The following FLRT2 variants were observed in gnomAD, a reference collection of about 807,000 sequenced individuals.
The protein encoded by FLRT2 is fibronectin leucine rich transmembrane protein 2, also known as leucine-rich repeat transmembrane protein FLRT2.
Under a neutral mutation model 40.0 loss-of-function variants are expected in FLRT2, and 15 were observed. The observed-to-expected ratio is 0.38, with a 90% confidence interval of 0.25 to 0.58. The LOEUF (loss-of-function observed/expected upper bound fraction) is 0.58. Among genes scored for constraint, FLRT2 ranks in the 20% least tolerant of loss-of-function variants. The pLI is 0.71. For synonymous variants in FLRT2, 380 were observed against 336.8 expected, an observed-to-expected ratio of 1.13 and a Z score of -1.41; for missense variants, 726 against 840.0, an observed-to-expected ratio of 0.86 and a Z score of 1.68.
chr14:85,616,961 T>A (rs565685448), intron 1 of FLRT2, among the ~76,000 whole-genome samples: 1 of 152,326 alleles, frequency 6.6e-6, no homozygotes, highest in Non-Finnish European at 1.5e-5. Flanking sequence ...TTATTAGAAA[T>A]TTATCTTAAT....
At chr14:85,536,455 G>T (rs185480738) in intron 1 of FLRT2, among the ~76,000 whole-genome samples, 205 of 152,194 alleles carry the variant, frequency 1.3e-3, no homozygotes, top group African/African-American at 4.7e-3. Flanking sequence ...ATTCAAAAAA[G>T]GTCAAGGTGA....
intron 1 of FLRT2, among the ~76,000 whole-genome samples, chr14:85,562,446 T>C (rs1200416859): frequency 6.6e-6 from 1 of 152,148 alleles, no homozygotes; most frequent in Non-Finnish European, 1.5e-5. Flanking sequence ...TGCAGGTTAT[T>C]TGACTTTTGG....
At chr14:85,544,341 A>G (rs1260232140) in intron 1 of FLRT2, among the ~76,000 whole-genome samples, 1 of 152,202 alleles carries the variant, frequency 6.6e-6, no homozygotes, top group Non-Finnish European at 1.5e-5. Context: ...GAGTAAAACT[A>G]TCGGTTACGT....
At chr14:85,615,627 G>A (rs1286687210) in intron 1 of FLRT2, among the ~76,000 whole-genome samples, 2 of 78,448 alleles carry the variant, frequency 2.5e-5, no homozygotes, top group Non-Finnish European at 5.3e-5. Flanking sequence ...CAGGCTACGG[G>A]GTGGCTATTG....
In FLRT2 at chr14:85,625,464, A is replaced by G. The variant is rs981995279; in HGVS notation, c.*1967A>G. On this transcript the variant is annotated 3_prime_UTR_variant, in exon 2 of 2. Coordinates refer to ENST00000330753, the MANE Select transcript of FLRT2 (RefSeq NM_013231.6). ...ATCTCCCTTGTCCCTCAGAATAAGC[A>G]GAAAATATAACTGCAGCTGTATGTC... 1 of 166,976 alleles carries G rather than the reference A, an allele frequency of 6.0e-6. No individual in the cohort carries two copies. The allele number at this position is 166,976 out of a possible 1,614,324, so 10.3% of individuals were successfully genotyped here. A position where few individuals can be genotyped will look rare whatever the true frequency, so the allele number is the denominator to read the frequency against.
At chr14:85,607,016 T>C (rs182626808) in intron 1 of FLRT2, among the ~76,000 whole-genome samples, 1 of 152,054 alleles carries the variant, frequency 6.6e-6, no homozygotes, top group Non-Finnish European at 1.5e-5. Flanking sequence ...ATGGATGTAC[T>C]GTAGCCACCT....
intron 1 of FLRT2, among the ~76,000 whole-genome samples, chr14:85,616,633 G>C (rs1252844354): frequency 6.6e-6 from 1 of 152,064 alleles, no homozygotes; most frequent in Non-Finnish European, 1.5e-5. Context: ...CTATCCTTCC[G>C]ATTTTCACAG....
At chr14:85,585,689 T>C (rs1891583159) in intron 1 of FLRT2, among the ~76,000 whole-genome samples, 2 of 152,162 alleles carry the variant, frequency 1.3e-5, no homozygotes, top group Admixed American at 6.6e-5. Context: ...AATGATTTTT[T>C]TTGAGAATGA....
chr14:85,575,214 A>C (rs993766412), intron 1 of FLRT2, among the ~76,000 whole-genome samples: 5 of 152,196 alleles, frequency 3.3e-5, no homozygotes, highest in African/African-American at 1.2e-4. Flanking sequence ...GTGATTGTCA[A>C]GGATCTGCTG....
intron 1 of FLRT2, among the ~76,000 whole-genome samples, chr14:85,545,262 C>T (rs1195613804): frequency 1.3e-5 from 2 of 152,168 alleles, no homozygotes; most frequent in African/African-American, 4.8e-5. Context: ...ATTTAGAGTG[C>T]TGTTTATGCA....
chr14:85,575,402 G>C (rs768107754), intron 1 of FLRT2, among the ~76,000 whole-genome samples: 3 of 151,644 alleles, frequency 2.0e-5, no homozygotes, highest in African/African-American at 4.9e-5. Context: ...AAATATTGTT[G>C]TCGAAGGAAT....
At chr14:85,566,174 T>A (rs1341525793) in intron 1 of FLRT2, among the ~76,000 whole-genome samples, 2 of 152,136 alleles carry the variant, frequency 1.3e-5, no homozygotes, top group Non-Finnish European at 2.9e-5. Flanking sequence ...TGATGATTCA[T>A]ACACTGGAGA....
intron 1 of FLRT2, among the ~76,000 whole-genome samples, chr14:85,580,008 A>T (rs1450508925): frequency 6.7e-6 from 1 of 148,198 alleles, no homozygotes; most frequent in Non-Finnish European, 1.5e-5. Context: ...GTCCTTGAAC[A>T]TTCTCCAGTC....
chr14:85,557,111 G>T (rs189554601), intron 1 of FLRT2, among the ~76,000 whole-genome samples: 124 of 152,146 alleles, frequency 8.2e-4, no homozygotes, highest in Non-Finnish European at 1.6e-3. Flanking sequence ...CACAACACAT[G>T]GGAATTATGG....
chr14:85,570,561 T>TTTATTTATTTA (rs541176244), intron 1 of FLRT2, among the ~76,000 whole-genome samples: 1 of 139,248 alleles, frequency 7.2e-6, no homozygotes, highest in Non-Finnish European at 1.5e-5. Flanking sequence ...TTTTTATTTA[T>TTTATTTATTTA]TTTATTTATT....
chr14:85,562,349 G>T (rs748854058), intron 1 of FLRT2, among the ~76,000 whole-genome samples: 1 of 152,116 alleles, frequency 6.6e-6, no homozygotes, highest in Admixed American at 6.5e-5. Flanking sequence ...ACATTGTTTT[G>T]TGTGTTTCTT....
At chr14:85,606,612 A>T (rs1381310322) in intron 1 of FLRT2, among the ~76,000 whole-genome samples, 4 of 139,074 alleles carry the variant, frequency 2.9e-5, no homozygotes, top group African/African-American at 8.2e-5. Context: ...GCAGCCTCCG[A>T]CTCCCTAGTT....
In FLRT2 at chr14:85,573,407, G is replaced by A. The variant is rs568605716; in HGVS notation, c.-377+42873G>A. Reference sequence around the variant, plus strand: ...AGTGCAATTAGATTTTTCTTTACTCGCTTTTAATATTATATTAGCTTTCTC... The same window carrying A: ...AGTGCAATTAGATTTTTCTTTACTCACTTTTAATATTATATTAGCTTTCTC... On this transcript the variant is annotated intron_variant, in intron 1 of 1. Transcript: ENST00000330753. Among the ~76,000 whole-genome samples, 22 of 151,970 alleles carry A rather than the reference G, an allele frequency of 1.4e-4. No individual in the cohort carries two copies. The Middle Eastern group carries it at 0.014, about 94-fold the overall frequency.
intron 1 of FLRT2, among the ~76,000 whole-genome samples, chr14:85,602,951 C>T (rs890161889): frequency 2.0e-5 from 3 of 152,026 alleles, no homozygotes; most frequent in African/African-American, 7.2e-5. Context: ...GGCATTTGAG[C>T]GCATAACTTC....
Sources: allele counts gnomAD v4.1 joint callset (sites outside exome capture counted in the v4.1 genomes callset), GRCh38; gene constraint gnomAD v4.1.1; transcripts MANE v1.5; gene names NCBI Gene and HGNC (gene_info 2026-07-23, HGNC 2026-07-21).